SEC14L5: variants seen among roughly 807,000 people sequenced by gnomAD.
SEC14L5 encodes the protein SEC14 like lipid binding 5.
In SEC14L5, 96 loss-of-function variants were observed where a neutral mutation model predicts 84.6. The ratio of observed to expected loss-of-function variants is 1.13; its 90% CI spans 0.96 to 1.34. SEC14L5 has a LOEUF of 1.34. SEC14L5 is among the 40% of genes most tolerant of loss of function. The pLI, the probability that SEC14L5 is intolerant of heterozygous loss-of-function variation, is 0.00. For missense variants in SEC14L5, 1,224 were observed against 942.5 expected, an observed-to-expected ratio of 1.30 and a Z score of -3.91; for synonymous variants, 546 against 383.4, an observed-to-expected ratio of 1.42 and a Z score of -4.95.
intron 13 of SEC14L5, 122 bp downstream of exon 13, chr16:5,007,608 T>TTCTTTC: frequency 1.4e-5 from 3 of 220,944 alleles, no homozygotes; most frequent in Middle Eastern, 1.3e-3. Flanking sequence ...CTTTCTTTCT[T>TTCTTTC]TTTTTTTTTT....
chr16:4,998,460 C>T (rs999095593), intron 8 of SEC14L5, among the ~76,000 whole-genome samples: 1 of 151,232 alleles, frequency 6.6e-6, no homozygotes, highest in Non-Finnish European at 1.5e-5. Context: ...CATCTAGGGC[C>T]GGGCGCGGTG....
intron 2 of SEC14L5, among the ~76,000 whole-genome samples, chr16:4,976,545 G>T (rs1402613846): frequency 6.6e-6 from 1 of 152,200 alleles, no homozygotes; most frequent in Non-Finnish European, 1.5e-5. Context: ...ATGAAAGAGG[G>T]GTTACCCAGC....
At position 4,988,183 on chromosome 16, in the gene SEC14L5, C is replaced by G. The variant is rs1236464006; in HGVS notation, c.248C>G (p.Thr83Arg). Residue 83 changes from threonine (T) to arginine (R), a missense_variant, in exon 4 of 16, where the codon ACA becomes AGA. Transcript: ENST00000251170. ...AGVEHVVFVQTNILNWKERTL... is the reference protein window; with the variant it reads ...AGVEHVVFVQRNILNWKERTL... ...GTTGAGCACGTGGTCTTCGTGCAGA[C>G]AAACATCTTGAACTGGAAGGAGAGG... is the stretch of plus-strand genomic sequence containing the variant. 6.2e-7 allele frequency: 1 copy of G among 1,613,502 alleles called. No homozygotes were observed. Among genetic ancestry groups the G allele is most frequent in the Non-Finnish European group, 8.5e-7 (1 of 1,179,586 alleles).
chr16:4,975,812 C>T (rs1955332659), intron 2 of SEC14L5, among the ~76,000 whole-genome samples: 1 of 152,106 alleles, frequency 6.6e-6, no homozygotes. Context: ...AAGAGTATGA[C>T]AGGCGATGGG....
chr16:4,989,944 G>T (rs1329860594), intron 4 of SEC14L5, among the ~76,000 whole-genome samples: 1 of 152,048 alleles, frequency 6.6e-6, no homozygotes, highest in African/African-American at 2.4e-5. Flanking sequence ...GGAGGACTAG[G>T]TCTGGATCCA....
rs199930404 is a variant in SEC14L5 at position 5,011,180 on chromosome 16, C to T, written c.1886C>T (p.Pro629Leu). Residue 629 changes from proline to leucine, a missense_variant, in exon 15 of 16, where the codon CCG (proline) becomes CTG (leucine). Transcript: ENST00000251170. ...SPPSSVACSL[P>L]GVDDVLTALH... ...CCCAGCAGCGTGGCCTGCAGCCTCC[C>T]GGGTGTGGACGATGTCCTGACGGCT... The T allele has an allele frequency of 1.8e-4, 297 of 1,613,490 alleles. 2 individuals are homozygous for T. Among genetic ancestry groups the T allele is most frequent in the Middle Eastern group, 9.9e-4 (6 of 6,078 alleles).
chr16:4,979,496 A>G (rs11641901), intron 2 of SEC14L5, among the ~76,000 whole-genome samples: 66,627 of 152,104 alleles, frequency 0.44, 14,864 homozygotes, highest in Non-Finnish European at 0.48. Flanking sequence ...GGCTATTGCC[A>G]TTACTGCAAT....
At chr16:4,958,617 C>CGTGTGTGTGCATGTGCGCACGG (rs948414677) in intron 1 of SEC14L5, among the ~76,000 whole-genome samples, 172 bp downstream of exon 1, 4 of 152,048 alleles carry the variant, frequency 2.6e-5, no homozygotes, top group Non-Finnish European at 5.9e-5. Flanking sequence ...CGTGTGTGTA[C>CGTGTGTGTGCATGTGCGCACGG]GTGTGTGTGC....
At chr16:4,960,069 A>AG (rs1955101553) in intron 2 of SEC14L5, among the ~76,000 whole-genome samples, 1 of 152,158 alleles carries the variant, frequency 6.6e-6, no homozygotes, top group Non-Finnish European at 1.5e-5. Flanking sequence ...AGTCAGTTGG[A>AG]GGCCTAGAAT....
At chr16:4,995,839 T>A (rs1350900437) in intron 6 of SEC14L5, among the ~76,000 whole-genome samples, 6 of 152,110 alleles carry the variant, frequency 3.9e-5, no homozygotes, top group Admixed American at 2.6e-4. Context: ...TTGGCCAGGC[T>A]GGTCCCAAAA....
chr16:5,007,242 AG>A, intron 12 of SEC14L5, 109 bp from the exon 13 acceptor site: 1 of 906,366 alleles, frequency 1.1e-6, no homozygotes, highest in East Asian at 2.6e-5. Context: ...CCATTCAGTA[AG>A]GGGTTGCAAT....
chr16:5,000,249 C>A (rs1053919360), intron 8 of SEC14L5, among the ~76,000 whole-genome samples: 1 of 152,132 alleles, frequency 6.6e-6, no homozygotes, highest in African/African-American at 2.4e-5. Flanking sequence ...CGAGATCGCA[C>A]CACTGCACTC....
At chr16:5,000,771 C>T in intron 9 of SEC14L5, 28 bp downstream of exon 9, 1 of 1,555,120 alleles carries the variant, frequency 6.4e-7, no homozygotes, top group Non-Finnish European at 8.7e-7. Flanking sequence ...TTCCTGGACG[C>T]CGTGCCTGGG....
At position 5,017,293 on chromosome 16, in the gene SEC14L5, C is replaced by T. The variant is rs1037188099; in HGVS notation, c.*2323C>T. The T allele has an allele frequency of 1.3e-5, 2 of 152,274 alleles. No homozygotes were observed. The highest frequency in any genetic ancestry group is 4.8e-5 in the African/African-American group (2 of 41,450). 9.4% of individuals were successfully genotyped at this position (152,274 alleles called of 1,614,324 possible). ...GTGCTCTCTCCCTAGGGAAAACCAG[C>T]CCAAACTGGCTTAAGCAACAAAGCA... On this transcript the variant is annotated 3_prime_UTR_variant, in exon 16 of 16. Coordinates refer to ENST00000251170, the MANE Select transcript of SEC14L5 (RefSeq NM_014692.2).
rs1396485515 is a variant in SEC14L5 at position 4,987,710 on chromosome 16, G to A, written c.213+4G>A. On this transcript the variant is annotated splice_donor_region_variant and intron_variant, in intron 3 of 15. Transcript: ENST00000251170. The stretch of plus-strand genomic sequence containing the variant: ...CGCCCCGCGGCTGCTGCGGAAGGTG[G>A]GCGGCCCTGGGGCTGGGGGGCGGAG... The A allele has an allele frequency of 2.7e-6, 4 of 1,507,902 alleles. No homozygotes were observed. Among genetic ancestry groups the A allele is most frequent in the African/African-American group, 1.4e-5 (1 of 69,836 alleles). The allele number at this position is 1,507,902 out of a possible 1,614,324, so 93.4% of individuals were successfully genotyped here. A position where few individuals can be genotyped will look rare whatever the true frequency, so the allele number is the denominator to read the frequency against.
chr16:4,959,028 G>A (rs1369417975), intron 1 of SEC14L5, among the ~76,000 whole-genome samples: 1 of 151,952 alleles, frequency 6.6e-6, no homozygotes, highest in Non-Finnish European at 1.5e-5. Context: ...GAAGGGGTGG[G>A]GGTAGAGGAA....
At chr16:5,005,568 A>G (rs1026934373) in intron 11 of SEC14L5, among the ~76,000 whole-genome samples, 1 of 151,914 alleles carries the variant, frequency 6.6e-6, no homozygotes, top group Non-Finnish European at 1.5e-5. Flanking sequence ...CTCAATAAAA[A>G]AATACATCCA....
Position 5,011,073 on chromosome 16 carries a change from G to C in SEC14L5, c.1801-22G>C, listed in dbSNP as rs774558774. The C allele has an allele frequency of 2.5e-6, 4 of 1,574,594 alleles. No homozygotes were observed. In the South Asian group the frequency reaches 4.6e-5, roughly 18 times the overall value. ...GTCCTCTGGAGGGCGCAGGGCCTCA[G>C]GGCAGGGCTGATGTGTTTCAGGGCT... On this transcript the variant is annotated intron_variant, in intron 14 of 15. Transcript: ENST00000251170.
intron 2 of SEC14L5, among the ~76,000 whole-genome samples, chr16:4,979,732 G>GTGA (rs79777211): frequency 0.013 from 4 of 304 alleles, no homozygotes; most frequent in African/African-American, 0.015. Flanking sequence ...TCTTGCTCCT[G>GTGA]TCATTTTCCC....
Sources: gnomAD v4.1 joint callset for allele counts (sites outside exome capture counted in the v4.1 genomes callset) on GRCh38, gnomAD v4.1.1 for gene constraint, MANE v1.5 for transcripts, NCBI Gene and HGNC (gene_info 2026-07-23, HGNC 2026-07-21) for gene names.